The following LUZP2 variants were observed in gnomAD, a reference collection of about 807,000 sequenced individuals.
LUZP2 encodes leucine zipper protein 2.
In LUZP2, 52 loss-of-function variants were observed where a neutral mutation model predicts 51.6. That is an observed-to-expected ratio of 1.01 (90% CI 0.81 to 1.27). The LOEUF is 1.27. Ranked by LOEUF, LUZP2 falls within the 50% of genes most tolerant of loss-of-function variation. LUZP2 has a pLI of 0.00. For missense variants in LUZP2, 436 were observed against 395.4 expected (o/e 1.10, Z -0.87); for synonymous variants, 154 against 137.3 (o/e 1.12, Z -0.85).
chr11:24,527,732 G>A (rs1189849836), intron 1 of LUZP2, among the ~76,000 whole-genome samples: 13 of 151,164 alleles, frequency 8.6e-5, no homozygotes. Context: ...CACTGAGCAT[G>A]TTCTTTCTTA....
intron 7 of LUZP2, among the ~76,000 whole-genome samples, chr11:24,944,891 G>T (rs560397154): frequency 6.6e-6 from 1 of 152,262 alleles, no homozygotes; most frequent in South Asian, 2.1e-4. Flanking sequence ...TTTTTTAAAA[G>T]CTGTGGTGAA....
chr11:24,550,156 A>G (rs1590169377), intron 1 of LUZP2, among the ~76,000 whole-genome samples: 1 of 152,180 alleles, frequency 6.6e-6, no homozygotes, highest in South Asian at 2.1e-4. Context: ...TCTCACTATA[A>G]TGACTCAAAT....
intron 7 of LUZP2, among the ~76,000 whole-genome samples, chr11:24,925,787 G>T (rs1854208471): frequency 6.6e-6 from 1 of 151,756 alleles, no homozygotes; most frequent in African/African-American, 2.4e-5. Context: ...GGTGGTGTTT[G>T]CTTACATGAA....
chr11:24,828,776 T>C (rs1850614738), intron 5 of LUZP2, among the ~76,000 whole-genome samples: 1 of 152,152 alleles, frequency 6.6e-6, no homozygotes, highest in African/African-American at 2.4e-5. Context: ...GGAAAAACTG[T>C]AGACAGGCAT....
chr11:24,784,746 T>G (rs1306671317), intron 5 of LUZP2, among the ~76,000 whole-genome samples: 1 of 152,080 alleles, frequency 6.6e-6, no homozygotes, highest in Non-Finnish European at 1.5e-5. Context: ...TGCTGTTAAC[T>G]ATAGCAAGGT....
chr11:24,602,274 A>AT (rs1180932404), intron 1 of LUZP2, among the ~76,000 whole-genome samples: 1 of 137,532 alleles, frequency 7.3e-6, no homozygotes, highest in Non-Finnish European at 1.6e-5. Flanking sequence ...ATGTACATAC[A>AT]TATATACACA....
rs1857323709 is a variant in LUZP2, at chr11:25,021,265, T to G, written c.766-28773T>G. Reference sequence around the variant, plus strand: ...AGAGACTTATTAATCCAGGTTATATTCAAATGGTGTTTTCAAGGATAATTG... The same window carrying G: ...AGAGACTTATTAATCCAGGTTATATGCAAATGGTGTTTTCAAGGATAATTG... On this transcript the variant is annotated intron_variant, in intron 9 of 11. Transcript: ENST00000336930. Among the ~76,000 whole-genome samples, 3 of 151,508 alleles carry G rather than the reference T, an allele frequency of 2.0e-5. No individual in the cohort carries two copies. In the South Asian group the frequency reaches 6.2e-4, roughly 31 times the overall value.
intron 1 of LUZP2, among the ~76,000 whole-genome samples, chr11:24,578,891 A>G (rs1672098074): frequency 6.6e-6 from 1 of 152,128 alleles, no homozygotes; most frequent in Non-Finnish European, 1.5e-5. Context: ...ATACCCAGGT[A>G]ACAAACCTGC....
At chr11:24,509,821 G>A (rs11027960) in intron 1 of LUZP2, among the ~76,000 whole-genome samples, 5,435 of 151,864 alleles carry the variant, frequency 0.036, 234 homozygotes, top group African/African-American at 0.099. Flanking sequence ...TTTCCTCTAT[G>A]TCTACCTTTC....
At chr11:24,767,718 T>C (rs1248500894) in intron 5 of LUZP2, among the ~76,000 whole-genome samples, 1 of 152,222 alleles carries the variant, frequency 6.6e-6, no homozygotes, top group Non-Finnish European at 1.5e-5. Flanking sequence ...TCCATTTTAA[T>C]TTACTTTAAC....
chr11:24,565,296 T>C (rs1384809754), intron 1 of LUZP2, among the ~76,000 whole-genome samples: 1 of 152,176 alleles, frequency 6.6e-6, no homozygotes, highest in Non-Finnish European at 1.5e-5. Flanking sequence ...AGACAGGAAC[T>C]ATTTTTGAAT....
intron 1 of LUZP2, among the ~76,000 whole-genome samples, chr11:24,605,566 T>C (rs1051100980): frequency 1.3e-5 from 2 of 151,768 alleles, no homozygotes; most frequent in Non-Finnish European, 3.0e-5. Context: ...AAATAATTAT[T>C]TTATTGAATG....
rs995828472 is a variant in LUZP2, at chr11:24,602,176, A to G, written c.62+104871A>G. On this transcript the variant is annotated intron_variant, in intron 1 of 11. Transcript: ENST00000336930. The stretch of plus-strand genomic sequence containing the variant: ...TATATATGTATATATGTGTATATAT[A>G]TGTGTATATATGTATATATGTACAT... Among the ~76,000 whole-genome samples, 31 of 138,002 alleles carry G rather than the reference A, an allele frequency of 2.2e-4. 1 individual carries two copies. Among genetic ancestry groups the G allele is most frequent in the East Asian group, 2.0e-4 (1 of 4,894 alleles). The allele number at this position is 138,002 out of a possible 152,430, so 90.5% of individuals were successfully genotyped here.
intron 1 of LUZP2, among the ~76,000 whole-genome samples, chr11:24,602,000 ATATATATG>A (rs1176336681): frequency 3.8e-4 from 24 of 62,856 alleles, no homozygotes; most frequent in East Asian, 1.2e-3. Flanking sequence ...GTATATATGT[ATATATATG>A]TATATATGTA....
At chr11:25,013,654 G>A (rs977759247) in intron 9 of LUZP2, among the ~76,000 whole-genome samples, 1 of 151,698 alleles carries the variant, frequency 6.6e-6, no homozygotes, top group Non-Finnish European at 1.5e-5. Flanking sequence ...TTAATCCTTT[G>A]TCATATTTTC....
At position 24,942,204 on chromosome 11, in the gene LUZP2, A is replaced by C. The variant is rs1232146036; in HGVS notation, c.522+27666A>C. ...CACAGAGATCTTTGTATAAACACAA[A>C]ATTTTATTTTGTTCTGGGGAAAAAT... On this transcript the variant is annotated intron_variant, in intron 7 of 11. Transcript: ENST00000336930. Among the ~76,000 whole-genome samples the C allele has an allele frequency of 3.3e-5, 5 of 152,302 alleles. No individual in the cohort carries two copies. The East Asian group carries it at 9.6e-4, about 29-fold the overall frequency.
intron 1 of LUZP2, among the ~76,000 whole-genome samples, chr11:24,512,917 T>C (rs961186285): frequency 6.6e-6 from 1 of 152,068 alleles, no homozygotes; most frequent in African/African-American, 2.4e-5. Flanking sequence ...GCCCAGCTAA[T>C]TTTGTTGCTG....
intron 1 of LUZP2, among the ~76,000 whole-genome samples, chr11:24,608,717 C>T (rs560437652): frequency 1.3e-5 from 2 of 152,180 alleles, no homozygotes; most frequent in East Asian, 3.9e-4. Flanking sequence ...TTTTGTGAAC[C>T]TTGTTCAACA....
chr11:24,718,216 G>A (rs896245029), intron 1 of LUZP2, among the ~76,000 whole-genome samples: 4 of 152,130 alleles, frequency 2.6e-5, no homozygotes, highest in African/African-American at 9.7e-5. Flanking sequence ...TTAATTAATG[G>A]TGTAAAAGCT....
Sources: gnomAD v4.1 joint callset for allele counts (sites outside exome capture counted in the v4.1 genomes callset) on GRCh38, gnomAD v4.1.1 for gene constraint, MANE v1.5 for transcripts, NCBI Gene and HGNC (gene_info 2026-07-23, HGNC 2026-07-21) for gene names.